ATXN7: variants seen among roughly 807,000 people sequenced by gnomAD.
ATXN7 encodes the protein ataxin 7, also known as ataxin-7.
A neutral mutation model predicts 70.5 loss-of-function variants in ATXN7; 12 were observed. The ratio of observed to expected loss-of-function variants is 0.17; its 90% CI spans 0.11 to 0.28. The LOEUF is 0.28. Among genes scored for constraint, ATXN7 ranks in the 10% least tolerant of loss-of-function variants. The pLI is 1.00. For missense variants in ATXN7, 1,256 were observed against 1,131.7 expected, an observed-to-expected ratio of 1.11 and a Z score of -1.58; for synonymous variants, 498 against 448.7, an observed-to-expected ratio of 1.11 and a Z score of -1.39.
In ATXN7 at chr3:63,999,454, A is replaced by G. The variant is rs1374484686; in HGVS notation, c.2666A>G (p.Lys889Arg). Residue 889 changes from lysine to arginine, a missense_variant, in exon 13 of 13, where the codon AAG becomes AGG. Lys to Arg is a conservative substitution (Grantham distance 26). Transcript: ENST00000674280. ...LMNSSLLHQP[K>R]ARP ...CCACCCCCTCTTTTTTGAAAGCCAA[A>G]GGCACGTCCCTGACAGCTGAAAATA... The G allele has an allele frequency of 1.2e-6, 2 of 1,613,934 alleles. No homozygotes were observed. Among genetic ancestry groups the G allele is most frequent in the East Asian group, 2.2e-5 (1 of 44,866 alleles).
chr3:63,935,114 T>TAATGAATG (rs533473958), intron 4 of ATXN7, among the ~76,000 whole-genome samples: 8 of 152,044 alleles, frequency 5.3e-5, no homozygotes, highest in African/African-American at 1.5e-4. Context: ...TTAGTAAAGG[T>TAATGAATG]AATGAATGAA....
At chr3:63,888,683 G>A (rs554968140) in intron 1 of ATXN7, among the ~76,000 whole-genome samples, 1 of 152,240 alleles carries the variant, frequency 6.6e-6, no homozygotes, top group South Asian at 2.1e-4. Context: ...GGCTGAGGCA[G>A]GAGAATCGCT....
intron 1 of ATXN7, among the ~76,000 whole-genome samples, chr3:63,881,209 T>C (rs562718223): frequency 6.9e-4 from 105 of 152,300 alleles, no homozygotes; most frequent in African/African-American, 1.9e-3. Context: ...CTGGTCTGTT[T>C]AATTCAAAAA....
At chr3:63,946,271 C>G (rs983096785) in intron 4 of ATXN7, among the ~76,000 whole-genome samples, 1 of 152,070 alleles carries the variant, frequency 6.6e-6, no homozygotes, top group Non-Finnish European at 1.5e-5. Context: ...GGGGCTAGTT[C>G]TTGTCGAACG....
chr3:63,994,738 T>C (rs1030710591), intron 11 of ATXN7, among the ~76,000 whole-genome samples: 1 of 152,242 alleles, frequency 6.6e-6, no homozygotes, highest in Non-Finnish European at 1.5e-5. Context: ...CAGGCCTTTT[T>C]GTCTTCTGCC....
chr3:63,912,292 C>G (rs1477859911), intron 2 of ATXN7: 2 of 152,082 alleles, frequency 1.3e-5, no homozygotes, highest in African/African-American at 4.8e-5. Flanking sequence ...GCGCCAGGTC[C>G]TCTGAGCAGA....
At chr3:63,956,422 A>G (rs1476182721) in intron 5 of ATXN7, among the ~76,000 whole-genome samples, 7 of 93,432 alleles carry the variant, frequency 7.5e-5, no homozygotes, top group Non-Finnish European at 1.5e-4. Flanking sequence ...CTGCATCTCA[A>G]AAAAAAAAAA....
At chr3:63,986,495 G>A (rs537770526) in intron 8 of ATXN7, among the ~76,000 whole-genome samples, 2 of 152,250 alleles carry the variant, frequency 1.3e-5, no homozygotes, top group East Asian at 3.9e-4. Context: ...TGGAGAGACA[G>A]GCAGGTGGAC....
intron 4 of ATXN7, among the ~76,000 whole-genome samples, chr3:63,919,010 G>A (rs750851026): frequency 4.7e-5 from 7 of 149,682 alleles, no homozygotes; most frequent in South Asian, 2.1e-4. Flanking sequence ...TCACTAACGC[G>A]TAGGTGCAGG....
chr3:63,936,376 G>A (rs2074663310), intron 4 of ATXN7, among the ~76,000 whole-genome samples: 21 of 152,112 alleles, frequency 1.4e-4, no homozygotes, highest in Admixed American at 1.4e-3. Context: ...TGGCCTCCAT[G>A]TGGTGTCTGT....
rs1300348811 is a variant in ATXN7, at chr3:63,990,216, A to G, written c.1402A>G (p.Ile468Val). ...CPAQQGGSAP[I>V]DPPPVHESPH... is the part of the protein sequence containing the mutation. ...TGCTCAGCAAGGTGGGAGTGCCCCC[A>G]TTGACCCTCCTCCAGTCCATGAATC... The change falls in exon 10 of 13, where the codon ATT becomes GTT. Residue 468 changes from isoleucine to valine, a missense_variant. Ile to Val is a conservative substitution (Grantham distance 29). Coordinates refer to ENST00000674280, the MANE Select transcript of ATXN7 (RefSeq NM_001377405.1). The G allele has an allele frequency of 6.2e-7, 1 of 1,613,450 alleles. No homozygotes were observed. The highest frequency in any genetic ancestry group is 8.5e-7 in the Non-Finnish European group (1 of 1,179,980).
At chr3:63,928,733 C>T (rs1704817451) in intron 4 of ATXN7, among the ~76,000 whole-genome samples, 1 of 152,180 alleles carries the variant, frequency 6.6e-6, no homozygotes, top group South Asian at 2.1e-4. Flanking sequence ...CCAGATGGTT[C>T]CCTGATTTAT....
At chr3:63,899,867 T>C (rs1703569626) in intron 2 of ATXN7, among the ~76,000 whole-genome samples, 1 of 152,108 alleles carries the variant, frequency 6.6e-6, no homozygotes, top group African/African-American at 2.4e-5. Context: ...TCTGCCCTCC[T>C]CGGCCTCCCA....
chr3:63,992,505 C>T (rs902089078), intron 11 of ATXN7, among the ~76,000 whole-genome samples: 6 of 152,144 alleles, frequency 3.9e-5, no homozygotes, highest in African/African-American at 1.2e-4. Context: ...GTTTAATGTA[C>T]TCCTAAGAGT....
chr3:63,993,074 A>G (rs1341352813), intron 11 of ATXN7, among the ~76,000 whole-genome samples: 1 of 152,150 alleles, frequency 6.6e-6, no homozygotes, highest in African/African-American at 2.4e-5. Context: ...TGAGTATGAA[A>G]TGAGTAAACT....
At position 63,996,468 on chromosome 3, in the gene ATXN7, T is replaced by C; in HGVS notation, c.2646T>C (p.Ser882=). Residue 882 remains serine (S), a synonymous_variant, in exon 12 of 13, where the codon AGT becomes AGC. Coordinates refer to ENST00000674280, the MANE Select transcript of ATXN7 (RefSeq NM_001377405.1). ...CAGGGGCACAAGGACTGATGAACAG[T>C]TCCCTCCTTCATCAGGTAGGAAATG... ...TIPGAQGLMN[S]SLLHQPKARP is the part of the protein sequence containing the mutation. The C allele has an allele frequency of 3.1e-6, 5 of 1,613,974 alleles. No individual in the cohort carries two copies. The highest frequency in any genetic ancestry group is 4.2e-6 in the Non-Finnish European group (5 of 1,179,932).
chr3:63,953,047 T>C (rs1162588949), intron 5 of ATXN7, among the ~76,000 whole-genome samples: 2 of 152,104 alleles, frequency 1.3e-5, no homozygotes, highest in Non-Finnish European at 2.9e-5. Context: ...AGTATTTGAA[T>C]ACGTACCTTG....
At chr3:63,928,897 T>C (rs116069759) in intron 4 of ATXN7, among the ~76,000 whole-genome samples, 136 of 152,328 alleles carry the variant, frequency 8.9e-4, no homozygotes, top group Admixed American at 3.3e-3. Context: ...TTTTAGATAA[T>C]AGCAGCAGTA....
Position 63,926,811 on chromosome 3 carries a change from C to T in ATXN7, c.394+13586C>T, listed in dbSNP as rs1367642819. 1.3e-5 allele frequency among the ~76,000 whole-genome samples: 2 copies of T among 152,102 alleles called. 1 individual carries two copies. The highest frequency in any genetic ancestry group is 4.8e-5 in the African/African-American group (2 of 41,400). On this transcript the variant is annotated intron_variant, in intron 4 of 12. Transcript: ENST00000674280. ...TTAATTTGTCCTAATGCTCTCCCTC[C>T]CCTTGCCCCCCAATGCCCAACAGGC...
Sources: gnomAD v4.1 joint callset for allele counts (sites outside exome capture counted in the v4.1 genomes callset) on GRCh38, gnomAD v4.1.1 for gene constraint, MANE v1.5 for transcripts, NCBI Gene and HGNC (gene_info 2026-07-23, HGNC 2026-07-21) for gene names.